Variants in MX2 observed in about 807,000 individuals in gnomAD.
The protein encoded by MX2 is interferon-induced GTP-binding protein Mx2.
MX2 carries 51 observed loss-of-function variants against 74.0 expected under a neutral mutation model. That is an observed-to-expected ratio of 0.69 (90% CI 0.55 to 0.87). MX2 has a LOEUF of 0.87. Ranked by LOEUF, MX2 falls within the 40% of genes least tolerant of loss-of-function variation. MX2 has a pLI of 0.00. For missense variants in MX2, 832 were observed against 908.7 expected (o/e 0.92, Z 1.09); for synonymous variants, 369 against 339.3 (o/e 1.09, Z -0.96).
intron 1 of MX2, chr21:41,365,729 T>C (rs796092294): frequency 3.9e-4 from 60 of 152,366 alleles, no homozygotes; most frequent in African/African-American, 1.4e-3. Flanking sequence ...TTTCTATTCC[T>C]TTGGGTACAT....
intron 12 of MX2, chr21:41,404,479 AAG>A (rs1568951060): frequency 6.6e-6 from 1 of 152,256 alleles, no homozygotes; most frequent in Non-Finnish European, 1.5e-5. Flanking sequence ...ACGTGGGAAA[AAG>A]AAATACAAGT....
chr21:41,384,230 C>T (rs1486226492), intron 5 of MX2, among the ~76,000 whole-genome samples: 1 of 152,132 alleles, frequency 6.6e-6, no homozygotes, highest in Non-Finnish European at 1.5e-5. Context: ...TCAGTTAAAC[C>T]TCTTTCCTTT....
Position 41,395,792 on chromosome 21 carries a change from C to T in MX2, c.1070+7C>T. The T allele has an allele frequency of 6.2e-7, 1 of 1,613,912 alleles. No homozygotes were observed. The highest frequency in any genetic ancestry group is 1.1e-5 in the South Asian group (1 of 91,046). ...AAACACATCCATATTTCAGGTGAGA[C>T]TCTTCAGGAAAGCTCTGGAATTAGA... On this transcript the variant is annotated splice_region_variant and intron_variant, in intron 7 of 13. Transcript: ENST00000330714.
At chr21:41,393,538 G>T (rs372514454) in intron 6 of MX2, among the ~76,000 whole-genome samples, 1 of 151,862 alleles carries the variant, frequency 6.6e-6, no homozygotes, top group Admixed American at 6.6e-5. Context: ...TCTCTCTCTC[G>T]GGTCGCTTCC....
chr21:41,369,926 G>A (rs1311338896), intron 1 of MX2, among the ~76,000 whole-genome samples: 1 of 149,526 alleles, frequency 6.7e-6, no homozygotes, highest in East Asian at 2.1e-4. Context: ...GGAAGCCCGC[G>A]TCCCCCTCAG....
Position 41,382,269 on chromosome 21 carries a change from T to C in MX2, c.578-141T>C, listed in dbSNP as rs75056952. On this transcript the variant is annotated intron_variant, in intron 4 of 13. Coordinates refer to ENST00000330714, the MANE Select transcript of MX2 (RefSeq NM_002463.2). ...TGGCTTCTGAGATCCCTCTGCAGGC[T>C]TCTCTGAAATGTTTTCTAAACACCA... is the stretch of plus-strand genomic sequence containing the variant. 1.7e-3 allele frequency: 1,836 copies of C among 1,078,620 alleles called. 28 individuals are homozygous for C. The African/African-American group carries it at 0.026, about 15-fold the overall frequency. The allele number at this position is 1,078,620 out of a possible 1,614,324, so 66.8% of individuals were successfully genotyped here. A position where few individuals can be genotyped will look rare whatever the true frequency, so the allele number is the denominator to read the frequency against.
rs1256932680 is a variant in MX2 at position 41,368,826 on chromosome 21, G to A, written c.-72+6771G>A. ...GTTTTGTTCCTGGACCCCTGACTTC[G>A]TCACCAAGGGCAGCTGGCTCCAGCT... On this transcript the variant is annotated intron_variant, in intron 1 of 13. Transcript: ENST00000330714. The surrounding 1 kb of genome is among the most constrained non-coding windows in gnomAD (Gnocchi z 4.6). Among the ~76,000 whole-genome samples, 4 of 152,104 alleles carry A rather than the reference G, an allele frequency of 2.6e-5. No homozygotes were observed. The highest frequency in any genetic ancestry group is 6.5e-5 in the Admixed American group (1 of 15,282).
rs2089235773 is a variant in MX2, at chr21:41,363,580, G to A, written c.-72+1525G>A. On this transcript the variant is annotated intron_variant, in intron 1 of 13. Coordinates refer to ENST00000330714, the MANE Select transcript of MX2 (RefSeq NM_002463.2). The surrounding 1 kb of genome is among the most constrained non-coding windows in gnomAD (Gnocchi z 4.2). ...TTAAAAAGAAAGGAGGTGAGCCCGG[G>A]GAGATAAGGTCGCATTCAGTGCCAG... 6.5e-6 allele frequency: 1 copy of A among 154,262 alleles called. No individual in the cohort carries two copies. The highest frequency in any genetic ancestry group is 1.5e-5 in the Non-Finnish European group (1 of 68,320). The allele number at this position is 154,262 out of a possible 1,614,324, so 9.6% of individuals were successfully genotyped here. A position where few individuals can be genotyped will look rare whatever the true frequency, so the allele number is the denominator to read the frequency against.
In MX2 at chr21:41,394,767, C is replaced by T. The variant is rs536706366; in HGVS notation, c.872-820C>T. ...ACCAGCCTGGCCAACATGGTGAAAC[C>T]TCATCTCTACTAAAAATACAAAAAT... On this transcript the variant is annotated intron_variant, in intron 6 of 13. Coordinates refer to ENST00000330714, the MANE Select transcript of MX2 (RefSeq NM_002463.2). Among the ~76,000 whole-genome samples, 7 of 152,120 alleles carry T rather than the reference C, an allele frequency of 4.6e-5. No homozygotes were observed. The East Asian group carries it at 1.4e-3, about 30-fold the overall frequency.
Position 41,363,200 on chromosome 21 carries a change from C to G in MX2, c.-72+1145C>G, listed in dbSNP as rs2089231658. On this transcript the variant is annotated intron_variant, in intron 1 of 13. Coordinates refer to ENST00000330714, the MANE Select transcript of MX2 (RefSeq NM_002463.2). The surrounding 1 kb of genome is among the most constrained non-coding windows in gnomAD (Gnocchi z 4.2). ...CTCTGCTCTACTTCCCAGCCCCGCGCCAACCCCTGAAGCACTTTTGACTCC... is the reference window on the plus strand; with the variant it reads ...CTCTGCTCTACTTCCCAGCCCCGCGGCAACCCCTGAAGCACTTTTGACTCC... 1 of 152,282 alleles carries G rather than the reference C, an allele frequency of 6.6e-6. No homozygotes were observed. The highest frequency in any genetic ancestry group is 1.5e-5 in the Non-Finnish European group (1 of 68,066). 9.4% of individuals were successfully genotyped at this position (152,282 alleles called of 1,614,324 possible).
At chr21:41,398,168 G>A (rs533967723) in intron 8 of MX2, among the ~76,000 whole-genome samples, 6 of 152,340 alleles carry the variant, frequency 3.9e-5, no homozygotes, top group Middle Eastern at 3.4e-3. Context: ...AATTAGCTGG[G>A]CATGGTGGCA....
At position 41,363,348 on chromosome 21, in the gene MX2, G is replaced by A. The variant is rs2089233526; in HGVS notation, c.-72+1293G>A. On this transcript the variant is annotated intron_variant, in intron 1 of 13. Transcript: ENST00000330714. The surrounding 1 kb of genome is among the most constrained non-coding windows in gnomAD (Gnocchi z 4.2). Reference sequence around the variant, plus strand: ...TGCAGCCTTAAACTTCCGGGCTCAAGTGATCCTCCTGCCTCGGCCTCCCAA... The same window carrying A: ...TGCAGCCTTAAACTTCCGGGCTCAAATGATCCTCCTGCCTCGGCCTCCCAA... 6.6e-6 allele frequency: 1 copy of A among 152,236 alleles called. No homozygotes were observed. Among genetic ancestry groups the A allele is most frequent in the South Asian group, 2.1e-4 (1 of 4,852 alleles). 9.4% of individuals were successfully genotyped at this position (152,236 alleles called of 1,614,324 possible).
chr21:41,404,676 A>G (rs1421474617), intron 12 of MX2: 2 of 152,178 alleles, frequency 1.3e-5, no homozygotes, highest in African/African-American at 4.8e-5. Context: ...GTTAAATGTG[A>G]AAAGAAAGGC....
intron 3 of MX2, 123 bp from the exon 4 acceptor site, chr21:41,379,894 C>G: frequency 7.8e-7 from 1 of 1,287,654 alleles, no homozygotes. Flanking sequence ...CTACCAGGCC[C>G]CAGGGAGAGC....
At position 41,406,810 on chromosome 21, in the gene MX2, A is replaced by C; in HGVS notation, c.1717A>C (p.Arg573=). ...AGAAAACATGATCCAACTTCAGTTC[A>C]GAATGGAGCAGATGGTTTTTTGTCA... ...KAENMIQLQF[R]MEQMVFCQDQ... is the part of the protein sequence containing the mutation. Residue 573 remains arginine (R), a synonymous_variant, in exon 13 of 14, where the codon AGA becomes CGA. Transcript: ENST00000330714. 1 of 1,614,290 alleles carries C rather than the reference A, an allele frequency of 6.2e-7. No individual in the cohort carries two copies. Among genetic ancestry groups the C allele is most frequent in the Non-Finnish European group, 8.5e-7 (1 of 1,180,054 alleles).
At chr21:41,374,501 T>C (rs374297052) in intron 1 of MX2, among the ~76,000 whole-genome samples, 10 of 152,122 alleles carry the variant, frequency 6.6e-5, no homozygotes, top group African/African-American at 2.4e-4. Flanking sequence ...GCAGACCCCA[T>C]GAGGATGACT....
At chr21:41,378,202 G>C (rs1167352136) in intron 3 of MX2, among the ~76,000 whole-genome samples, 1 of 151,074 alleles carries the variant, frequency 6.6e-6, no homozygotes, top group Admixed American at 6.6e-5. Flanking sequence ...GAGACACGTT[G>C]CTGGGAGAGA....
intron 8 of MX2, among the ~76,000 whole-genome samples, chr21:41,398,677 T>G (rs189736458): frequency 9.9e-5 from 15 of 152,266 alleles, no homozygotes; most frequent in Middle Eastern, 3.4e-3. Context: ...TTCTCCAACT[T>G]TAAGGCACAC....
chr21:41,400,126 A>T (rs1196989803), intron 10 of MX2, among the ~76,000 whole-genome samples: 1 of 152,190 alleles, frequency 6.6e-6, no homozygotes, highest in Non-Finnish European at 1.5e-5. Flanking sequence ...GCAGCTAAAC[A>T]TCAGCTTGGT....
Sources: allele counts gnomAD v4.1 joint callset (sites outside exome capture counted in the v4.1 genomes callset), GRCh38; gene constraint gnomAD v4.1.1; non-coding constraint Gnocchi (gnomAD v3.1); transcripts MANE v1.5; gene names NCBI Gene and HGNC (gene_info 2026-07-23, HGNC 2026-07-21).